SLC35F1: variants seen among roughly 807,000 people sequenced by gnomAD.
SLC35F1 encodes the protein chromosome 6 open reading frame 169.
A neutral mutation model predicts 48.7 loss-of-function variants in SLC35F1; 14 were observed. The observed-to-expected ratio is 0.29, with a 90% CI of 0.19 to 0.45. SLC35F1 has a LOEUF of 0.45. SLC35F1 is among the 20% of genes least tolerant of loss of function. The pLI, the probability that SLC35F1 is intolerant of heterozygous loss-of-function variation, is 1.00. For missense variants in SLC35F1, 404 were observed against 500.0 expected, an observed-to-expected ratio of 0.81 and a Z score of 1.83; for synonymous variants, 190 against 202.2, an observed-to-expected ratio of 0.94 and a Z score of 0.51.
At chr6:118,255,926 T>G (rs1396467455) in intron 3 of SLC35F1, among the ~76,000 whole-genome samples, 1 of 152,028 alleles carries the variant, frequency 6.6e-6, no homozygotes, top group African/African-American at 2.4e-5. Context: ...GTATAGGGTT[T>G]GGAAGGGGAG....
At chr6:118,081,547 G>T (rs910496062) in intron 1 of SLC35F1, among the ~76,000 whole-genome samples, 1 of 152,180 alleles carries the variant, frequency 6.6e-6, no homozygotes, top group Non-Finnish European at 1.5e-5. Context: ...AGGCAAGAGG[G>T]TCCCTTGAGC....
intron 2 of SLC35F1, among the ~76,000 whole-genome samples, chr6:118,226,620 T>C (rs368048352): frequency 1.3e-5 from 2 of 152,186 alleles, no homozygotes; most frequent in East Asian, 1.9e-4. Flanking sequence ...AAGACAAATA[T>C]TGCATGTTCT....
chr6:118,138,951 C>T (rs1773840248), intron 1 of SLC35F1, among the ~76,000 whole-genome samples: 1 of 146,056 alleles, frequency 6.8e-6, no homozygotes, highest in Non-Finnish European at 1.5e-5. Context: ...TTTTTAGCCC[C>T]TCCCTTGTTT....
At position 118,235,494 on chromosome 6, in the gene SLC35F1, A is replaced by G; in HGVS notation, c.350-15A>G. ...TCAGGAACCTAACCCATTTCTTCTT[A>G]ACTTTGTAACACAGGAGAAGAAAAC... On this transcript the variant is annotated splice_polypyrimidine_tract_variant and intron_variant, in intron 2 of 7. Coordinates refer to ENST00000360388, the MANE Select transcript of SLC35F1 (RefSeq NM_001029858.4). The G allele has an allele frequency of 2.5e-6, 4 of 1,610,674 alleles. No individual in the cohort carries two copies. The highest frequency in any genetic ancestry group is 3.4e-6 in the Non-Finnish European group (4 of 1,178,202).
At chr6:118,001,825 A>G (rs568997261) in intron 1 of SLC35F1, among the ~76,000 whole-genome samples, 4 of 152,182 alleles carry the variant, frequency 2.6e-5, no homozygotes, top group African/African-American at 4.8e-5. Flanking sequence ...GAAGACATTT[A>G]TGCAGCCAAA....
chr6:118,258,740 A>G (rs1334751620), intron 3 of SLC35F1, among the ~76,000 whole-genome samples: 2 of 152,046 alleles, frequency 1.3e-5, no homozygotes, highest in Non-Finnish European at 2.9e-5. Flanking sequence ...ATCTTAATAT[A>G]TATAAAATAT....
At chr6:117,986,000 G>A (rs1199866317) in intron 1 of SLC35F1, among the ~76,000 whole-genome samples, 2 of 152,220 alleles carry the variant, frequency 1.3e-5, no homozygotes, top group South Asian at 4.1e-4. Flanking sequence ...GGCTGGAAAT[G>A]TTTGGAAGCT....
chr6:118,126,794 G>C (rs1773632861), intron 1 of SLC35F1, among the ~76,000 whole-genome samples: 1 of 151,698 alleles, frequency 6.6e-6, no homozygotes, highest in Admixed American at 6.6e-5. Flanking sequence ...TCTGTTATTG[G>C]TGTATAAGAA....
At chr6:118,272,187 C>T (rs1355729440) in intron 4 of SLC35F1, among the ~76,000 whole-genome samples, 2 of 152,090 alleles carry the variant, frequency 1.3e-5, no homozygotes, top group Admixed American at 1.3e-4. Flanking sequence ...GAGCCACAGT[C>T]CCTGCCCTTC....
chr6:118,191,104 G>A (rs1052333236), intron 2 of SLC35F1, among the ~76,000 whole-genome samples: 9 of 152,132 alleles, frequency 5.9e-5, no homozygotes, highest in African/African-American at 2.2e-4. Context: ...TTCTAGAAGA[G>A]TAAAGGCCTC....
intron 3 of SLC35F1, among the ~76,000 whole-genome samples, chr6:118,265,930 C>T (rs1775768002): frequency 6.6e-6 from 1 of 152,148 alleles, no homozygotes. Context: ...GATAGTGTAT[C>T]CAGAGGTCTT....
At chr6:118,145,913 A>G (rs1228411556) in intron 1 of SLC35F1, among the ~76,000 whole-genome samples, 3 of 152,178 alleles carry the variant, frequency 2.0e-5, no homozygotes, top group Non-Finnish European at 4.4e-5. Context: ...TTTTCCTGTT[A>G]CGGTAAAGAT....
chr6:118,104,769 A>T (rs1773306979), intron 1 of SLC35F1, among the ~76,000 whole-genome samples: 1 of 152,150 alleles, frequency 6.6e-6, no homozygotes, highest in Non-Finnish European at 1.5e-5. Flanking sequence ...GTGTACTTGC[A>T]AGTTAAAAAG....
chr6:117,948,925 A>T (rs1239479268), intron 1 of SLC35F1, among the ~76,000 whole-genome samples: 1 of 152,136 alleles, frequency 6.6e-6, no homozygotes, highest in Non-Finnish European at 1.5e-5. Flanking sequence ...AGTACATGGA[A>T]GGGGAACTTA....
chr6:118,261,211 T>C (rs1366714592), intron 3 of SLC35F1, among the ~76,000 whole-genome samples: 3 of 152,214 alleles, frequency 2.0e-5, no homozygotes, highest in Admixed American at 6.5e-5. Flanking sequence ...GCCTCACCTG[T>C]GGTGTGATAC....
intron 1 of SLC35F1, among the ~76,000 whole-genome samples, chr6:118,062,598 G>A (rs1440172780): frequency 6.6e-6 from 1 of 152,004 alleles, no homozygotes; most frequent in Non-Finnish European, 1.5e-5. Flanking sequence ...AAAAATAACG[G>A]CAACAGTCTT....
intron 2 of SLC35F1, among the ~76,000 whole-genome samples, chr6:118,233,492 AT>A: frequency 6.6e-6 from 1 of 152,312 alleles, no homozygotes; most frequent in East Asian, 1.9e-4. Flanking sequence ...AGAGTGACTC[AT>A]ATTCTAGCAC....
intron 1 of SLC35F1, among the ~76,000 whole-genome samples, chr6:117,927,199 A>T (rs1393501205): frequency 1.3e-5 from 2 of 152,188 alleles, no homozygotes; most frequent in Non-Finnish European, 2.9e-5. Context: ...CATTATAATG[A>T]TTAATATTTA....
chr6:118,143,702 G>T (rs1049645779), intron 1 of SLC35F1, among the ~76,000 whole-genome samples: 2 of 152,076 alleles, frequency 1.3e-5, no homozygotes, highest in Non-Finnish European at 1.5e-5. Context: ...GAAAGTGTTG[G>T]TACTTCCAAA....
Sources: allele counts gnomAD v4.1 joint callset (sites outside exome capture counted in the v4.1 genomes callset), GRCh38; gene constraint gnomAD v4.1.1; transcripts MANE v1.5; gene names NCBI Gene and HGNC (gene_info 2026-07-23, HGNC 2026-07-21).